Variants in DCP1A observed in about 807,000 individuals in gnomAD.
The protein encoded by DCP1A is decapping mRNA 1A.
In DCP1A, 20 loss-of-function variants were observed where a neutral mutation model predicts 58.0. The ratio of observed to expected loss-of-function variants is 0.34; its 90% confidence interval spans 0.24 to 0.50. DCP1A has a LOEUF of 0.50. DCP1A is among the 20% of genes least tolerant of loss of function. DCP1A has a pLI of 0.98. For synonymous variants in DCP1A, 285 were observed against 275.1 expected (o/e 1.04, Z -0.36); for missense variants, 613 against 712.2 (o/e 0.86, Z 1.59).
intron 4 of DCP1A, among the ~76,000 whole-genome samples, chr3:53,315,535 A>C (rs919552229): frequency 5.5e-5 from 2 of 36,350 alleles, no homozygotes; most frequent in Non-Finnish European, 1.6e-4. Context: ...ACTCTGTCTC[A>C]AAAAAAAAAA....
At chr3:53,332,007 AG>A (rs2089013940) in intron 3 of DCP1A, among the ~76,000 whole-genome samples, 1 of 152,216 alleles carries the variant, frequency 6.6e-6, no homozygotes, top group African/African-American at 2.4e-5. Context: ...CCTAATAGTG[AG>A]GTATGTTGCT....
At chr3:53,343,455 C>T (rs530141938) in intron 2 of DCP1A, among the ~76,000 whole-genome samples, 1 of 152,298 alleles carries the variant, frequency 6.6e-6, no homozygotes, top group East Asian at 1.9e-4. Flanking sequence ...AAATCTCCTA[C>T]TTTCTACAAT....
At position 53,312,339 on chromosome 3, in the gene DCP1A, G is replaced by C; in HGVS notation, c.412C>G (p.Arg138Gly). Residue 138 changes from arginine (R) to glycine (G), a missense_variant, in exon 5 of 10, where the codon CGG (arginine) becomes GGG (glycine). By Grantham distance (125) the Arg-to-Gly change is moderately radical. This residue lies in a region of DCP1A where 498 missense variants were observed against 556.7 expected (regional missense o/e 0.89). Coordinates refer to ENST00000610213, the MANE Select transcript of DCP1A (RefSeq NM_018403.7). ...EETRRSQQAA[R>G]DKQSPSQANG... is the part of the protein sequence containing the mutation. ...GCCTGGCTGGGACTCTGTTTGTCCC[G>C]AGCAGCTTGCTGGGATCGCCGTGTC... 3.7e-6 allele frequency: 6 copies of C among 1,612,646 alleles called. No individual in the cohort carries two copies. The highest frequency in any genetic ancestry group is 5.1e-6 in the Non-Finnish European group (6 of 1,179,428).
intron 5 of DCP1A, among the ~76,000 whole-genome samples, chr3:53,312,025 A>G (rs1553688708): frequency 6.6e-6 from 1 of 151,724 alleles, no homozygotes; most frequent in Non-Finnish European, 1.5e-5. Flanking sequence ...ATCATAGCCC[A>G]CTGCAGCCTC....
At chr3:53,318,006 T>C (rs532261136) in intron 4 of DCP1A, among the ~76,000 whole-genome samples, 1 of 152,308 alleles carries the variant, frequency 6.6e-6, no homozygotes, top group East Asian at 1.9e-4. Context: ...TTTCATGAGT[T>C]TAAAATTAGG....
intron 2 of DCP1A, among the ~76,000 whole-genome samples, chr3:53,343,533 T>C (rs1285364233): frequency 2.0e-5 from 3 of 152,198 alleles, no homozygotes; most frequent in Admixed American, 2.0e-4. Flanking sequence ...AAACTAAGGT[T>C]CTAATAACAG....
chr3:53,311,568 C>G (rs1201706305), intron 5 of DCP1A, among the ~76,000 whole-genome samples: 1 of 152,158 alleles, frequency 6.6e-6, no homozygotes, highest in Non-Finnish European at 1.5e-5. Flanking sequence ...AGAAAGAAAA[C>G]AGTGAATTTC....
chr3:53,296,371 G>C (rs942179787), intron 6 of DCP1A, among the ~76,000 whole-genome samples: 1 of 152,220 alleles, frequency 6.6e-6, no homozygotes, highest in Non-Finnish European at 1.5e-5. Context: ...GGACACAGCT[G>C]TCTGGTAATA....
intron 2 of DCP1A, among the ~76,000 whole-genome samples, chr3:53,342,725 T>C (rs577812629): frequency 8.7e-4 from 133 of 152,344 alleles, no homozygotes; most frequent in African/African-American, 3.1e-3. Flanking sequence ...ACTTGAACTA[T>C]CCTTTTTAAT....
chr3:53,319,657 T>C (rs1575609788), intron 3 of DCP1A, among the ~76,000 whole-genome samples, 184 bp from the exon 4 acceptor site: 2 of 152,274 alleles, frequency 1.3e-5, no homozygotes, highest in East Asian at 3.9e-4. Flanking sequence ...TCAGGACAGG[T>C]AAAACATTCA....
At chr3:53,302,812 G>A (rs1707352621) in intron 6 of DCP1A, among the ~76,000 whole-genome samples, 1 of 152,032 alleles carries the variant, frequency 6.6e-6, no homozygotes, top group Admixed American at 6.6e-5. Flanking sequence ...TAGTAGAAAC[G>A]GGGTTTCGCC....
chr3:53,312,074 C>T (rs1346958914), intron 5 of DCP1A, among the ~76,000 whole-genome samples, 167 bp downstream of exon 5: 1 of 152,090 alleles, frequency 6.6e-6, no homozygotes, highest in Admixed American at 6.6e-5. Flanking sequence ...CCTCAGCCTG[C>T]CAAGTAGCTG....
intron 3 of DCP1A, among the ~76,000 whole-genome samples, chr3:53,338,657 C>G (rs955592944): frequency 6.6e-6 from 1 of 151,812 alleles, no homozygotes; most frequent in Admixed American, 6.6e-5. Flanking sequence ...GTCAGGAGAT[C>G]GAGACCATCC....
intron 1 of DCP1A, among the ~76,000 whole-genome samples, chr3:53,345,522 G>C (rs1181130443): frequency 6.6e-6 from 1 of 152,060 alleles, no homozygotes; most frequent in Non-Finnish European, 1.5e-5. Context: ...GTAATTATTG[G>C]AGGCCTTTAC....
intron 4 of DCP1A, among the ~76,000 whole-genome samples, chr3:53,316,793 A>C (rs374090846): frequency 2.0e-5 from 3 of 151,994 alleles, no homozygotes; most frequent in South Asian, 2.1e-4. Context: ...CAAGCTGAAA[A>C]TTTAAGCAAT....
intron 2 of DCP1A, among the ~76,000 whole-genome samples, chr3:53,344,630 G>C (rs528779467): frequency 1.3e-5 from 2 of 152,268 alleles, no homozygotes; most frequent in Non-Finnish European, 2.9e-5. Context: ...GGTAGGAAGA[G>C]AGACGCAGGC....
intron 4 of DCP1A, among the ~76,000 whole-genome samples, chr3:53,316,965 G>T (rs1333109933): frequency 6.6e-6 from 1 of 152,014 alleles, no homozygotes; most frequent in Non-Finnish European, 1.5e-5. Flanking sequence ...TTGCATTAGG[G>T]GTAACACTTG....
At chr3:53,318,928 A>G (rs782523569) in intron 4 of DCP1A, among the ~76,000 whole-genome samples, 24 of 152,306 alleles carry the variant, frequency 1.6e-4, no homozygotes, top group Non-Finnish European at 2.9e-4. Flanking sequence ...GAGTTGCTGT[A>G]TATGGTCAGG....
chr3:53,344,225 T>C (rs2089263223), intron 2 of DCP1A, among the ~76,000 whole-genome samples: 1 of 152,036 alleles, frequency 6.6e-6, no homozygotes, highest in African/African-American at 2.4e-5. Context: ...GAACCTGCCC[T>C]TGTAAGAGTT....
Sources: allele counts gnomAD v4.1 joint callset (sites outside exome capture counted in the v4.1 genomes callset), GRCh38; gene constraint gnomAD v4.1.1; regional missense constraint gnomAD v4.1.1; transcripts MANE v1.5; gene names NCBI Gene and HGNC (gene_info 2026-07-23, HGNC 2026-07-21).